Variants in LPIN1 observed in about 807,000 individuals in gnomAD.
The protein encoded by LPIN1 is phosphatidate phosphatase LPIN1.
LPIN1 carries 71 observed loss-of-function variants against 107.5 expected under a neutral mutation model. The observed-to-expected ratio is 0.66, with a 90% CI of 0.55 to 0.80. LPIN1 has a LOEUF of 0.80. Among genes scored for constraint, LPIN1 ranks in the 30% least tolerant of loss-of-function variants. The pLI, the probability that LPIN1 is intolerant of heterozygous loss-of-function variation, is 0.00. For synonymous variants in LPIN1, 445 were observed against 452.6 expected (o/e 0.98, Z 0.21); for missense variants, 1,043 against 1,160.6 (o/e 0.90, Z 1.47).
chr2:11,810,721 A>T (rs1679501334), intron 17 of LPIN1, among the ~76,000 whole-genome samples: 1 of 152,116 alleles, frequency 6.6e-6, no homozygotes, highest in African/African-American at 2.4e-5. Context: ...TGGACCCGGG[A>T]TGGTGCCGCA....
intron 3 of LPIN1, among the ~76,000 whole-genome samples, chr2:11,768,228 T>C (rs1174105718): frequency 6.6e-6 from 1 of 152,216 alleles, no homozygotes; most frequent in Non-Finnish European, 1.5e-5. Context: ...AAAAAATATT[T>C]TAAAAGCTTT....
intron 1 of LPIN1, among the ~76,000 whole-genome samples, chr2:11,729,409 T>C (rs1664976252): frequency 6.6e-6 from 1 of 152,248 alleles, no homozygotes; most frequent in African/African-American, 2.4e-5. Flanking sequence ...TATTCCCAAG[T>C]CTTTCCTCCA....
intron 14 of LPIN1, among the ~76,000 whole-genome samples, chr2:11,796,039 T>A (rs569619293): frequency 6.6e-6 from 1 of 152,354 alleles, no homozygotes; most frequent in East Asian, 1.9e-4. Context: ...TGGAGGTGAC[T>A]CTGAGGACAG....
At position 11,746,675 on chromosome 2, in the gene LPIN1, A is replaced by G. The variant is rs1462335986; in HGVS notation, c.-10+4A>G. On this transcript the variant is annotated splice_donor_region_variant and intron_variant, in intron 1 of 20. Coordinates refer to ENST00000674199, the MANE Select transcript of LPIN1 (RefSeq NM_001349206.2). ...CGGCCACGCGCGGCGCCGCTCGGTG[A>G]GTAGCCGCCGCCTCCAGCCTCCCGC... The G allele has an allele frequency of 1.0e-6, 1 of 984,214 alleles. No individual in the cohort carries two copies. Among genetic ancestry groups the G allele is most frequent in the African/African-American group, 1.8e-5 (1 of 57,138 alleles). 61.0% of individuals were successfully genotyped at this position (984,214 alleles called of 1,614,324 possible).
intron 10 of LPIN1, among the ~76,000 whole-genome samples, chr2:11,785,526 C>T (rs1292099679): frequency 6.6e-6 from 1 of 152,208 alleles, no homozygotes; most frequent in Admixed American, 6.5e-5. Context: ...GCACCTGCCA[C>T]ATTCGTAGCA....
intron 14 of LPIN1, among the ~76,000 whole-genome samples, chr2:11,801,056 A>G (rs751615958): frequency 5.3e-5 from 8 of 152,260 alleles, no homozygotes; most frequent in African/African-American, 9.6e-5. Context: ...ACAGTGAGAT[A>G]GCATCTCACC....
chr2:11,782,484 CG>C lies in LPIN1; in HGVS notation c.1243del (p.Asp415IlefsTer80). 6.2e-7 allele frequency: 1 copy of C among 1,614,172 alleles called. No individual in the cohort carries two copies. The highest frequency in any genetic ancestry group is 8.5e-7 in the Non-Finnish European group (1 of 1,180,032). On this transcript the variant is annotated frameshift_variant, in exon 8 of 21. Coordinates refer to ENST00000674199, the MANE Select transcript of LPIN1 (RefSeq NM_001349206.2). LOFTEE classifies it high-confidence loss of function. ...SASVVQTANK[T>X]DSPSRKRDKR... Reference sequence around the variant, plus strand: ...AGTGTAGTCCAGACAGCAAACAAGACGGATTCTCCTTCCAGGAAAAGAGGTA... The same window carrying C: ...AGTGTAGTCCAGACAGCAAACAAGACGATTCTCCTTCCAGGAAAAGAGGTA...
At chr2:11,759,985 G>A (rs1669469566) in intron 1 of LPIN1, among the ~76,000 whole-genome samples, 1 of 143,770 alleles carries the variant, frequency 7.0e-6, no homozygotes, top group African/African-American at 2.6e-5. Flanking sequence ...CGGGCGGAGG[G>A]GCTCCTCACT....
rs1226854125 is a variant in LPIN1, at chr2:11,690,608, T to A, written c.81+12880T>A. Among the ~76,000 whole-genome samples the A allele has an allele frequency of 2.6e-5, 4 of 152,228 alleles. No homozygotes were observed. The South Asian group carries it at 6.2e-4, about 24-fold the overall frequency. On this transcript the variant is annotated intron_variant, in intron 1 of 21. Transcript: ENST00000449576. ...AGACACAAATTTGAACCTCACTGTATCCTCCATGCCTCCTAGCTGCTGTTT... is the reference window on the plus strand; with the variant it reads ...AGACACAAATTTGAACCTCACTGTAACCTCCATGCCTCCTAGCTGCTGTTT...
chr2:11,754,520 T>C (rs1318847090), intron 1 of LPIN1, among the ~76,000 whole-genome samples: 1 of 152,240 alleles, frequency 6.6e-6, no homozygotes, highest in Non-Finnish European at 1.5e-5. Flanking sequence ...CTTTTGACTT[T>C]ACCTTCTGAG....
At chr2:11,728,665 T>C (rs1400017475) in intron 1 of LPIN1, among the ~76,000 whole-genome samples, 1 of 152,192 alleles carries the variant, frequency 6.6e-6, no homozygotes, top group Non-Finnish European at 1.5e-5. Flanking sequence ...TATGAGCCAT[T>C]GCACCTGGCC....
rs761359674 is a variant in LPIN1, at chr2:11,782,434, C to T, written c.1191C>T (p.Ile397=). 6 of 1,614,158 alleles carry T rather than the reference C, an allele frequency of 3.7e-6. No homozygotes were observed. The highest frequency in any genetic ancestry group is 2.2e-5 in the East Asian group (1 of 44,886). The change falls in exon 8 of 21, where the codon ATC becomes ATT. Residue 397 remains isoleucine, a synonymous_variant. Coordinates refer to ENST00000674199, the MANE Select transcript of LPIN1 (RefSeq NM_001349206.2). ...CAGCAGCGCCACTCTTGCCCATGAT[C>T]GAGGAGCTCAAACCCCCCTCTGCCA... ...LGAAAPLLPM[I]EELKPPSASV... is the part of the protein sequence containing the mutation.
chr2:11,767,923 A>AAC (rs1295625991), intron 3 of LPIN1, 65 bp downstream of exon 3: 24 of 1,023,288 alleles, frequency 2.3e-5, no homozygotes, highest in Non-Finnish European at 3.4e-5. Flanking sequence ...GTTATCTGGA[A>AAC]ACACGGCAGA....
intron 1 of LPIN1, among the ~76,000 whole-genome samples, chr2:11,711,396 C>T (rs544372026): frequency 6.6e-6 from 1 of 152,318 alleles, no homozygotes; most frequent in African/African-American, 2.4e-5. Context: ...AATGGCCTTA[C>T]CCCTGCTACC....
intron 1 of LPIN1, among the ~76,000 whole-genome samples, chr2:11,710,334 G>A (rs1231321482): frequency 6.6e-6 from 1 of 152,104 alleles, no homozygotes; most frequent in Non-Finnish European, 1.5e-5. Flanking sequence ...AAATGAGAAA[G>A]AAAAGGAAGA....
At chr2:11,746,623 G>T, upstream of LPIN1, 1 of 985,380 alleles carries the variant, frequency 1.0e-6, no homozygotes. Context: ...ACAGCCGGCG[G>T]CGGGCTGGGT....
intron 1 of LPIN1, among the ~76,000 whole-genome samples, chr2:11,758,237 A>G (rs1390615394): frequency 6.6e-6 from 1 of 151,456 alleles, no homozygotes; most frequent in Non-Finnish European, 1.5e-5. Flanking sequence ...GGGTGTGCCA[A>G]TATCTTTTCG....
At chr2:11,725,284 C>CAAAAACAAA (rs369704064) in intron 1 of LPIN1, among the ~76,000 whole-genome samples, 1,651 of 148,856 alleles carry the variant, frequency 0.011, 26 homozygotes, top group African/African-American at 0.041. Context: ...AAAACAAAAA[C>CAAAAACAAA]AAACAAACAA....
chr2:11,694,350 C>T (rs1662463752), intron 1 of LPIN1, among the ~76,000 whole-genome samples: 1 of 152,176 alleles, frequency 6.6e-6, no homozygotes, highest in South Asian at 2.1e-4. Flanking sequence ...ATTCAAAGAG[C>T]ACGCCACCAT....
Sources: gnomAD v4.1 joint callset for allele counts (sites outside exome capture counted in the v4.1 genomes callset) on GRCh38, gnomAD v4.1.1 for gene constraint, MANE v1.5 for transcripts, NCBI Gene and HGNC (gene_info 2026-07-23, HGNC 2026-07-21) for gene names.